Variants in VPS72 observed in about 807,000 individuals in gnomAD.
The protein encoded by VPS72 is vacuolar protein sorting-associated protein 72 homolog.
In VPS72, 27 loss-of-function variants were observed where a neutral mutation model predicts 38.9. That is an observed-to-expected ratio of 0.69 (90% CI 0.51 to 0.96). VPS72 has a LOEUF of 0.96. Ranked by LOEUF, VPS72 falls within the 40% of genes least tolerant of loss-of-function variation. The pLI, the probability that VPS72 is intolerant of heterozygous loss-of-function variation, is 0.00. For synonymous variants in VPS72, 173 were observed against 186.3 expected (o/e 0.93, Z 0.58); for missense variants, 360 against 479.5 (o/e 0.75, Z 2.33).
Position 151,184,362 on chromosome 1 carries a change from G to A in VPS72, c.517C>T (p.Leu173Phe). 6.2e-7 allele frequency: 1 copy of A among 1,614,040 alleles called. No homozygotes were observed. The highest frequency in any genetic ancestry group is 1.3e-5 in the African/African-American group (1 of 75,020). ...CERPLTQEEL[L>F]REAKITEELN... ...TCTTCTGTGATCTTGGCCTCCCGGA[G>A]CAGTTCCTCCTGGGTTAGTGGCCGC... The change falls in exon 4 of 6, where the codon CTC becomes TTC. Residue 173 changes from leucine to phenylalanine, a missense_variant. Around this residue, in one of 2 missense-constraint regions of VPS72, gnomAD observed 294 missense variants for 356.3 expected, o/e 0.83. Transcript: ENST00000368892.
chr1:151,189,430 A>G (rs1684415710), intron 1 of VPS72, among the ~76,000 whole-genome samples: 1 of 152,264 alleles, frequency 6.6e-6, no homozygotes, highest in African/African-American at 2.4e-5. Context: ...AGCATAAGCA[A>G]GTAAGCAAAC....
intron 1 of VPS72, among the ~76,000 whole-genome samples, chr1:151,187,873 T>C (rs960586054): frequency 4.6e-5 from 7 of 152,246 alleles, no homozygotes; most frequent in African/African-American, 1.7e-4. Flanking sequence ...TCCTACTTTT[T>C]GTTTATATTG....
intron 4 of VPS72, 83 bp downstream of exon 4, chr1:151,184,234 C>T (rs1259828050): frequency 1.3e-6 from 2 of 1,528,968 alleles, no homozygotes; most frequent in South Asian, 2.5e-5. Flanking sequence ...TCCATCTCTC[C>T]AGTTCTTTGG....
rs1379474970 is a variant in VPS72, at chr1:151,185,797, C to T, written c.270+1G>A. 1 of 1,614,104 alleles carries T rather than the reference C, an allele frequency of 6.2e-7. No individual in the cohort carries two copies. The highest frequency in any genetic ancestry group is 1.1e-5 in the South Asian group (1 of 91,084). On this transcript the variant is annotated splice_donor_variant, in intron 2 of 5. Coordinates refer to ENST00000368892, the MANE Select transcript of VPS72 (RefSeq NM_005997.3). LOFTEE classifies it high-confidence loss of function. ...CAAGACAACTAGGACTCCCCCTGTA[C>T]CTTATAGGCCTTGGTGACTACTCGG...
chr1:151,177,888 T>C, intron 5 of VPS72, 113 bp downstream of exon 5: 1 of 1,221,824 alleles, frequency 8.2e-7, no homozygotes, highest in East Asian at 2.4e-5. Flanking sequence ...GAGTTAGGAA[T>C]CTGAAAGAAA....
At position 151,176,776 on chromosome 1, in the gene VPS72, C is replaced by T; in HGVS notation, c.963G>A (p.Glu321=). ...GGGCAGTAATGTACTTCTTGTAAGCCTCACGAATGATCTTGAAGGCTCGAG... is the reference window on the plus strand; with the variant it reads ...GGGCAGTAATGTACTTCTTGTAAGCTTCACGAATGATCTTGAAGGCTCGAG... ...ATARAFKIIR[E]AYKKYITAHG... The change falls in exon 6 of 6, where the codon GAG becomes GAA. Residue 321 remains glutamate, a synonymous_variant. Transcript: ENST00000368892. The T allele has an allele frequency of 6.2e-7, 1 of 1,614,184 alleles. No homozygotes were observed.
chr1:151,188,943 C>T (rs1025649625), intron 1 of VPS72, among the ~76,000 whole-genome samples: 1 of 152,170 alleles, frequency 6.6e-6, no homozygotes, highest in African/African-American at 2.4e-5. Flanking sequence ...CGATTCTCTG[C>T]CTCAGCCTCC....
chr1:151,177,566 A>C (rs925472025), intron 5 of VPS72, among the ~76,000 whole-genome samples: 1 of 151,752 alleles, frequency 6.6e-6, no homozygotes, highest in Non-Finnish European at 1.5e-5. Context: ...AGAAAAAGGA[A>C]TAAGAAAGAA....
chr1:151,180,578 T>A (rs1684217192), intron 4 of VPS72, among the ~76,000 whole-genome samples: 5 of 151,856 alleles, frequency 3.3e-5, no homozygotes, highest in Admixed American at 2.6e-4. Flanking sequence ...GCAGGGACTA[T>A]AGGCACGTGC....
intron 1 of VPS72, among the ~76,000 whole-genome samples, chr1:151,186,982 G>A (rs1028327649): frequency 3.3e-5 from 5 of 152,156 alleles, no homozygotes; most frequent in Non-Finnish European, 7.3e-5. Context: ...AAGTTACTGA[G>A]AGAAATATGT....
chr1:151,177,820 G>GT (rs1320448336), intron 5 of VPS72, among the ~76,000 whole-genome samples, 181 bp downstream of exon 5: 4 of 151,562 alleles, frequency 2.6e-5, no homozygotes, highest in Admixed American at 6.6e-5. Flanking sequence ...TCCAGCCTAG[G>GT]TGACAGAGCA....
intron 3 of VPS72, among the ~76,000 whole-genome samples, chr1:151,184,886 G>A (rs2101728004): frequency 6.6e-6 from 1 of 152,078 alleles, no homozygotes; most frequent in South Asian, 2.1e-4. Context: ...TGCCTGGCCT[G>A]AAATAATTTC....
intron 1 of VPS72, among the ~76,000 whole-genome samples, chr1:151,186,657 G>A (rs1394762521): frequency 2.6e-5 from 4 of 152,134 alleles, no homozygotes; most frequent in Non-Finnish European, 4.4e-5. Context: ...ATCATGGGCA[G>A]ATGAAATAGC....
chr1:151,180,727 C>A (rs375677934), intron 4 of VPS72, among the ~76,000 whole-genome samples: 2 of 152,290 alleles, frequency 1.3e-5, no homozygotes, highest in East Asian at 3.9e-4. Flanking sequence ...TGAGCCACCA[C>A]GCCTGGCCCA....
Position 151,176,438 on chromosome 1 carries a change from C to T in VPS72, c.*206G>A. The T allele has an allele frequency of 2.4e-6, 2 of 824,804 alleles. No individual in the cohort carries two copies. The highest frequency in any genetic ancestry group is 3.7e-6 in the Non-Finnish European group (2 of 545,276). 51.1% of individuals were successfully genotyped at this position (824,804 alleles called of 1,614,324 possible). A position where few individuals can be genotyped will look rare whatever the true frequency, so the allele number is the denominator to read the frequency against. On this transcript the variant is annotated 3_prime_UTR_variant, in exon 6 of 6. Transcript: ENST00000368892. ...GTATTCAAATACTTCTTGCTCCCAACCCTAGACTGGACACCAGACAAAAGG... is the reference window on the plus strand; with the variant it reads ...GTATTCAAATACTTCTTGCTCCCAATCCTAGACTGGACACCAGACAAAAGG...
In VPS72 at chr1:151,176,507, A is replaced by T; in HGVS notation, c.*137T>A. 7.3e-7 allele frequency: 1 copy of T among 1,378,610 alleles called. No homozygotes were observed. The highest frequency in any genetic ancestry group is 9.8e-7 in the Non-Finnish European group (1 of 1,022,848). The allele number at this position is 1,378,610 out of a possible 1,614,324, so 85.4% of individuals were successfully genotyped here. On this transcript the variant is annotated 3_prime_UTR_variant, in exon 6 of 6. Coordinates refer to ENST00000368892, the MANE Select transcript of VPS72 (RefSeq NM_005997.3). ...GATTAAAAAACACAACGAAACCTGT[A>T]AGAACTAGGGGAAAAGGAAAAAGAA... is the stretch of plus-strand genomic sequence containing the variant.
intron 3 of VPS72, 91 bp downstream of exon 3, chr1:151,185,415 C>T (rs1228202412): frequency 1.6e-5 from 21 of 1,312,750 alleles, no homozygotes; most frequent in South Asian, 9.6e-5. Flanking sequence ...AGTGAGCCAC[C>T]GCACCCAGCA....
Position 151,176,686 on chromosome 1 carries a change from G to A in VPS72, c.1053C>T (p.Gly351=). Residue 351 remains glycine (G), a synonymous_variant, in exon 6 of 6, where the codon GGC becomes GGT. Coordinates refer to ENST00000368892, the MANE Select transcript of VPS72 (RefSeq NM_005997.3). ...TCTGGCGCAAGGCTCGGGGCCCAGA[G>A]CCAGGGAGGGGCTCAGGAGGTGGCG... ...PGPPPPEPLP[G]SGPRALRQKI... is the part of the protein sequence containing the mutation. The A allele has an allele frequency of 6.2e-7, 1 of 1,614,126 alleles. No individual in the cohort carries two copies. Among genetic ancestry groups the A allele is most frequent in the Non-Finnish European group, 8.5e-7 (1 of 1,180,012 alleles).
At chr1:151,181,859 C>T (rs1684248477) in intron 4 of VPS72, among the ~76,000 whole-genome samples, 1 of 152,168 alleles carries the variant, frequency 6.6e-6, no homozygotes, top group Non-Finnish European at 1.5e-5. Context: ...CCATGCCCTC[C>T]CTCTGGATTA....
Sources: allele counts gnomAD v4.1 joint callset (sites outside exome capture counted in the v4.1 genomes callset), GRCh38; gene constraint gnomAD v4.1.1; regional missense constraint gnomAD v4.1.1; transcripts MANE v1.5; gene names NCBI Gene and HGNC (gene_info 2026-07-23, HGNC 2026-07-21).